PIK3AP1: variants seen among roughly 807,000 people sequenced by gnomAD.
PIK3AP1 encodes phosphoinositide-3-kinase adaptor protein 1.
PIK3AP1 carries 21 observed loss-of-function variants against 88.1 expected under a neutral mutation model. The ratio of observed to expected loss-of-function variants is 0.24; its 90% CI spans 0.17 to 0.34. The LOEUF is 0.34. Among genes scored for constraint, PIK3AP1 ranks in the 10% least tolerant of loss-of-function variants. The pLI, the probability that PIK3AP1 is intolerant of heterozygous loss-of-function variation, is 1.00. For synonymous variants in PIK3AP1, 398 were observed against 400.0 expected (o/e 1.00, Z 0.06); for missense variants, 828 against 1,035.7 (o/e 0.80, Z 2.75).
At chr10:96,639,736 G>C (rs1195413022) in intron 8 of PIK3AP1, among the ~76,000 whole-genome samples, 1 of 152,240 alleles carries the variant, frequency 6.6e-6, no homozygotes, top group Non-Finnish European at 1.5e-5. Context: ...CTACTCGCCA[G>C]AATCTTGCCA....
At chr10:96,700,899 C>G in intron 2 of PIK3AP1, 1 of 985,332 alleles carries the variant, frequency 1.0e-6, no homozygotes, top group Non-Finnish European at 1.2e-6. Context: ...CTGCCTGTGA[C>G]GCGCCAAGGC....
chr10:96,693,381 A>G (rs1200211248), intron 2 of PIK3AP1, among the ~76,000 whole-genome samples: 1 of 152,212 alleles, frequency 6.6e-6, no homozygotes, highest in East Asian at 1.9e-4. Flanking sequence ...GGACAGATGG[A>G]CAGACGGATG....
At chr10:96,634,902 T>C (rs10882835) in intron 8 of PIK3AP1, among the ~76,000 whole-genome samples, 51,152 of 152,052 alleles carry the variant, frequency 0.34, 10,630 homozygotes, top group Non-Finnish European at 0.47. Flanking sequence ...TTCCAGACTC[T>C]AGAGGCCACC....
At chr10:96,672,522 C>T (rs1843861389) in intron 2 of PIK3AP1, among the ~76,000 whole-genome samples, 1 of 152,208 alleles carries the variant, frequency 6.6e-6, no homozygotes, top group Non-Finnish European at 1.5e-5. Context: ...AATAAATGAA[C>T]TATTAGCTCT....
At chr10:96,628,847 C>CAT (rs1228071144) in intron 8 of PIK3AP1, among the ~76,000 whole-genome samples, 6 of 138,418 alleles carry the variant, frequency 4.3e-5, no homozygotes, top group Admixed American at 7.3e-5. Flanking sequence ...TACATATAAA[C>CAT]ATATATATAC....
At chr10:96,644,293 T>C (rs1383094481) in intron 8 of PIK3AP1, among the ~76,000 whole-genome samples, 1 of 152,244 alleles carries the variant, frequency 6.6e-6, no homozygotes, top group African/African-American at 2.4e-5. Flanking sequence ...TCCCTAGACA[T>C]ACACATAAGT....
At chr10:96,670,571 C>T (rs1170705376) in intron 2 of PIK3AP1, among the ~76,000 whole-genome samples, 1 of 151,984 alleles carries the variant, frequency 6.6e-6, no homozygotes, top group Non-Finnish European at 1.5e-5. Context: ...TGTGTCTGGG[C>T]CACAAGAAAC....
At position 96,667,199 on chromosome 10, in the gene PIK3AP1, C is replaced by T. The variant is rs117553695; in HGVS notation, c.431-10265G>A. 2.0e-4 allele frequency among the ~76,000 whole-genome samples: 30 copies of T among 152,356 alleles called. No individual in the cohort carries two copies. In the East Asian group the frequency reaches 5.8e-3, roughly 29 times the overall value. ...AAGGCTGCACTCTCCCATTTTCCAA[C>T]TGAGCTTTCACACCACAGTGCTCAC... is the stretch of plus-strand genomic sequence containing the variant. On this transcript the variant is annotated intron_variant, in intron 2 of 16. Coordinates refer to ENST00000339364, the MANE Select transcript of PIK3AP1 (RefSeq NM_152309.3).
At chr10:96,633,182 T>C in intron 8 of PIK3AP1, 1 of 1,180,578 alleles carries the variant, frequency 8.5e-7, no homozygotes, top group Non-Finnish European at 1.2e-6. Context: ...TTTCAAGTAT[T>C]TCTAGTTCCT....
intron 2 of PIK3AP1, among the ~76,000 whole-genome samples, chr10:96,672,287 C>A (rs969372803): frequency 6.6e-6 from 1 of 152,156 alleles, no homozygotes; most frequent in Non-Finnish European, 1.5e-5. Flanking sequence ...CACTGCACAT[C>A]GGTGAATTTG....
intron 2 of PIK3AP1, among the ~76,000 whole-genome samples, chr10:96,683,893 T>C (rs1191486850): frequency 6.6e-6 from 1 of 152,216 alleles, no homozygotes; most frequent in East Asian, 1.9e-4. Context: ...ACTGTATATA[T>C]AGGAAGTAAT....
Position 96,711,739 on chromosome 10 carries a change from A to ATTTTTTTTTTTTTTTTTT in PIK3AP1, c.14-1774_14-1757dup, listed in dbSNP as rs763923650. Reference sequence around the variant, plus strand: ...ATTTCCCCCAGGATGAGATTACCAAATTTTTTTTTTTTTTTTTTTTTTTTT... The same window carrying ATTTTTTTTTTTTTTTTTT: ...ATTTCCCCCAGGATGAGATTACCAAATTTTTTTTTTTTTTTTTTTTTTTTTTTTTTTTTTTTTTTTTTT... On this transcript the variant is annotated intron_variant, in intron 1 of 16. Coordinates refer to ENST00000339364, the MANE Select transcript of PIK3AP1 (RefSeq NM_152309.3). Among the ~76,000 whole-genome samples, 31 of 66,446 alleles carry ATTTTTTTTTTTTTTTTTT rather than the reference A, an allele frequency of 4.7e-4. 4 individuals are homozygous for ATTTTTTTTTTTTTTTTTT. Among genetic ancestry groups the ATTTTTTTTTTTTTTTTTT allele is most frequent in the African/African-American group, 2.2e-3 (31 of 14,256 alleles). The allele number at this position is 66,446 out of a possible 152,430, so 43.6% of individuals were successfully genotyped here.
At chr10:96,664,052 GAGA>G (rs1843729534) in intron 2 of PIK3AP1, among the ~76,000 whole-genome samples, 1 of 152,208 alleles carries the variant, frequency 6.6e-6, no homozygotes, top group South Asian at 2.1e-4. Context: ...CCCAGAGAAA[GAGA>G]AGGCCTTGAA....
chr10:96,684,147 A>G (rs1474769374), intron 2 of PIK3AP1, among the ~76,000 whole-genome samples: 1 of 152,244 alleles, frequency 6.6e-6, no homozygotes, highest in Non-Finnish European at 1.5e-5. Context: ...ACAGTTAGGC[A>G]TTGTGTAGAG....
intron 2 of PIK3AP1, among the ~76,000 whole-genome samples, chr10:96,687,787 C>G (rs996825351): frequency 1.3e-5 from 2 of 152,196 alleles, no homozygotes; most frequent in Non-Finnish European, 2.9e-5. Context: ...CTAGACCCAC[C>G]CTTCCTTCCC....
Position 96,626,914 on chromosome 10 carries a change from G to T in PIK3AP1, c.1472-9C>A, listed in dbSNP as rs759717135. 1.9e-6 allele frequency: 3 copies of T among 1,609,912 alleles called. No homozygotes were observed. The highest frequency in any genetic ancestry group is 2.6e-6 in the Non-Finnish European group (3 of 1,176,296). On this transcript the variant is annotated splice_polypyrimidine_tract_variant and intron_variant, in intron 9 of 16. Coordinates refer to ENST00000339364, the MANE Select transcript of PIK3AP1 (RefSeq NM_152309.3). ...CATTCCCATGCTGTTGCCTAGAAAC[G>T]CAGAGAAAGGTGACTGAAAGCAGTG...
chr10:96,658,865 T>C (rs763872894), intron 2 of PIK3AP1, among the ~76,000 whole-genome samples: 2 of 152,164 alleles, frequency 1.3e-5, no homozygotes, highest in Non-Finnish European at 2.9e-5. Flanking sequence ...GGTTTTTAGC[T>C]GGGCATCAGA....
chr10:96,706,204 A>G (rs376457394), intron 2 of PIK3AP1, among the ~76,000 whole-genome samples: 2 of 152,034 alleles, frequency 1.3e-5, no homozygotes, highest in African/African-American at 2.4e-5. Flanking sequence ...TGCCCAGCCA[A>G]TTTCTTATTG....
At chr10:96,714,582 A>G (rs1055437803) in intron 1 of PIK3AP1, among the ~76,000 whole-genome samples, 1 of 152,256 alleles carries the variant, frequency 6.6e-6, no homozygotes, top group African/African-American at 2.4e-5. Context: ...AGGATTCCTT[A>G]GTGAAATGAT....
Sources: allele counts gnomAD v4.1 joint callset (sites outside exome capture counted in the v4.1 genomes callset), GRCh38; gene constraint gnomAD v4.1.1; transcripts MANE v1.5; gene names NCBI Gene and HGNC (gene_info 2026-07-23, HGNC 2026-07-21).